The following SIMC1 variants were observed in gnomAD, a reference collection of about 807,000 sequenced individuals.
SIMC1 encodes the protein SUMO interacting motifs containing 1, also known as SUMO-interacting motif-containing protein 1.
SIMC1 carries 55 observed loss-of-function variants against 82.3 expected under a neutral mutation model. The observed-to-expected ratio is 0.67, with a 90% CI of 0.54 to 0.84. SIMC1 has a LOEUF of 0.84. Among genes scored for constraint, SIMC1 ranks in the 40% least tolerant of loss-of-function variants. SIMC1 has a pLI of 0.00. For missense variants in SIMC1, 915 were observed against 1,107.2 expected, an observed-to-expected ratio of 0.83 and a Z score of 2.46; for synonymous variants, 353 against 426.3, an observed-to-expected ratio of 0.83 and a Z score of 2.12.
At chr5:176,333,832 T>G (rs75848460) in intron 7 of SIMC1, among the ~76,000 whole-genome samples, 3 of 152,154 alleles carry the variant, frequency 2.0e-5, no homozygotes, top group African/African-American at 7.2e-5. Flanking sequence ...TGAGGCTCTG[T>G]TTTTTTCTAT....
chr5:176,244,824 T>G (rs1285960604), intron 1 of SIMC1, among the ~76,000 whole-genome samples: 1 of 147,852 alleles, frequency 6.8e-6, no homozygotes, highest in Non-Finnish European at 1.5e-5. Flanking sequence ...CTGGCTCAAG[T>G]GATTCTCCTG....
At chr5:176,281,555 G>T (rs1581249021) in intron 1 of SIMC1, among the ~76,000 whole-genome samples, 1 of 152,132 alleles carries the variant, frequency 6.6e-6, no homozygotes, top group Non-Finnish European at 1.5e-5. Context: ...CCATCTTTGT[G>T]ATTTTATCTC....
At chr5:176,321,205 TA>T (rs1481427883) in intron 5 of SIMC1, among the ~76,000 whole-genome samples, 3 of 152,368 alleles carry the variant, frequency 2.0e-5, no homozygotes, top group Middle Eastern at 3.4e-3. Context: ...GGTATCATGC[TA>T]TATGTAATCT....
intron 1 of SIMC1, among the ~76,000 whole-genome samples, chr5:176,254,895 G>C (rs1376873415): frequency 2.0e-5 from 3 of 152,176 alleles, no homozygotes; most frequent in African/African-American, 7.2e-5. Context: ...TTCCACCTTT[G>C]TTCACAAAGT....
At chr5:176,322,689 A>T in intron 6 of SIMC1, 2 of 373,426 alleles carry the variant, frequency 5.4e-6, no homozygotes, top group Non-Finnish European at 9.7e-6. Context: ...ATGCTAGAGG[A>T]CACTGCCCTT....
At chr5:176,310,100 A>C (rs1388834694) in intron 4 of SIMC1, among the ~76,000 whole-genome samples, 2 of 152,258 alleles carry the variant, frequency 1.3e-5, no homozygotes, top group Non-Finnish European at 2.9e-5. Flanking sequence ...TTGAAACCAC[A>C]GTGAGGCTAT....
intron 1 of SIMC1, among the ~76,000 whole-genome samples, chr5:176,266,520 T>G (rs535069353): frequency 2.2e-4 from 33 of 149,026 alleles, no homozygotes; most frequent in African/African-American, 7.5e-4. Flanking sequence ...AGACAAAGTT[T>G]GCAGTTCGAA....
intron 7 of SIMC1, among the ~76,000 whole-genome samples, chr5:176,326,476 T>G (rs1457228171): frequency 1.3e-5 from 2 of 152,082 alleles, no homozygotes; most frequent in Non-Finnish European, 2.9e-5. Flanking sequence ...CAAGCAATCC[T>G]CCTGCCTCAG....
At chr5:176,296,820 T>G in intron 4 of SIMC1, 1 of 152,862 alleles carries the variant, frequency 6.5e-6, no homozygotes, top group Non-Finnish European at 1.5e-5. Flanking sequence ...TCCCTCTCCT[T>G]GAGATCCCAT....
intron 1 of SIMC1, among the ~76,000 whole-genome samples, chr5:176,243,654 C>T (rs987144334): frequency 2.6e-5 from 4 of 151,966 alleles, no homozygotes; most frequent in African/African-American, 9.7e-5. Context: ...TCCCGAGTAG[C>T]CGGGACTACA....
chr5:176,274,713 T>C, intron 1 of SIMC1, among the ~76,000 whole-genome samples: 1 of 151,900 alleles, frequency 6.6e-6, no homozygotes, highest in Non-Finnish European at 1.5e-5. Flanking sequence ...CAGTTTCAGC[T>C]TTCTACATAT....
At chr5:176,344,337 G>C (rs1172392745) in intron 9 of SIMC1, among the ~76,000 whole-genome samples, 3 of 152,036 alleles carry the variant, frequency 2.0e-5, no homozygotes, top group African/African-American at 4.8e-5. Context: ...ATGTTTAATT[G>C]CTTACTCGTG....
At chr5:176,323,820 A>G (rs1406264839) in intron 6 of SIMC1, among the ~76,000 whole-genome samples, 1 of 151,918 alleles carries the variant, frequency 6.6e-6, no homozygotes, top group Non-Finnish European at 1.5e-5. Context: ...CCCCGTCTCT[A>G]CTAAAAAAAT....
chr5:176,259,562 C>G (rs1026806283), intron 1 of SIMC1, among the ~76,000 whole-genome samples: 3 of 152,226 alleles, frequency 2.0e-5, no homozygotes, highest in Admixed American at 6.5e-5. Flanking sequence ...CACTTGAGGT[C>G]AGGAGTTCGA....
In SIMC1 at chr5:176,238,580, G is replaced by A. The variant is rs1761193319; in HGVS notation, c.72G>A (p.Ser24=). ...ESSGGARPGR[S]RRPRRALSRT... is the part of the protein sequence containing the mutation. Reference sequence around the variant, plus strand: ...CCGGGGGCGCCCGCCCGGGCCGGTCGCGGAGGCCGCGCCGGGCCCTGTCGC... The same window carrying A: ...CCGGGGGCGCCCGCCCGGGCCGGTCACGGAGGCCGCGCCGGGCCCTGTCGC... Residue 24 remains serine (S), a synonymous_variant, in exon 1 of 10, where the codon TCG becomes TCA. Transcript: ENST00000429602. 7 of 1,295,186 alleles carry A rather than the reference G, an allele frequency of 5.4e-6. No individual in the cohort carries two copies. In the East Asian group the frequency reaches 1.7e-4, roughly 32 times the overall value. 80.2% of individuals were successfully genotyped at this position (1,295,186 alleles called of 1,614,324 possible).
chr5:176,344,413 G>A (rs962503993), intron 9 of SIMC1, among the ~76,000 whole-genome samples: 1 of 150,724 alleles, frequency 6.6e-6, no homozygotes, highest in Non-Finnish European at 1.5e-5. Context: ...GCTCACACCT[G>A]TAATCCCAGC....
intron 7 of SIMC1, among the ~76,000 whole-genome samples, chr5:176,328,865 A>G (rs1765505713): frequency 6.6e-6 from 1 of 152,172 alleles, no homozygotes; most frequent in South Asian, 2.1e-4. Flanking sequence ...TAATTAATCA[A>G]TAAAAATGGA....
intron 1 of SIMC1, among the ~76,000 whole-genome samples, chr5:176,270,064 G>A (rs1561680887): frequency 6.6e-6 from 1 of 151,348 alleles, no homozygotes; most frequent in Non-Finnish European, 1.5e-5. Flanking sequence ...GGATAAATAT[G>A]CAAAAATTCT....
At chr5:176,285,303 T>C (rs1763219583) in intron 1 of SIMC1, among the ~76,000 whole-genome samples, 1 of 152,180 alleles carries the variant, frequency 6.6e-6, no homozygotes, top group South Asian at 2.1e-4. Context: ...TCAAGTGGGC[T>C]TCATCCCTGG....
Sources: gnomAD v4.1 joint callset for allele counts (sites outside exome capture counted in the v4.1 genomes callset) on GRCh38, gnomAD v4.1.1 for gene constraint, MANE v1.5 for transcripts, NCBI Gene and HGNC (gene_info 2026-07-23, HGNC 2026-07-21) for gene names.